The following TRPM4 variants were observed in gnomAD, a reference collection of about 807,000 sequenced individuals.
TRPM4 encodes transient receptor potential cation channel subfamily M member 4.
A neutral mutation model predicts 135.6 loss-of-function variants in TRPM4; 124 were observed. The observed-to-expected ratio is 0.91, with a 90% CI of 0.79 to 1.06. TRPM4 has a LOEUF of 1.06. TRPM4 is among the 50% of genes least tolerant of loss of function. The pLI is 0.00. For synonymous variants in TRPM4, 745 were observed against 705.6 expected, an observed-to-expected ratio of 1.06 and a Z score of -0.88; for missense variants, 1,658 against 1,671.4, an observed-to-expected ratio of 0.99 and a Z score of 0.14.
intron 9 of TRPM4, among the ~76,000 whole-genome samples, chr19:49,178,772 T>G (rs551864009): frequency 0.024 from 3,530 of 150,106 alleles, 157 homozygotes; most frequent in African/African-American, 0.082. Flanking sequence ...TTTTTTATTT[T>G]TTTTGAGATG....
At chr19:49,194,127 A>C (rs1448064784) in intron 16 of TRPM4, among the ~76,000 whole-genome samples, 575 of 42,040 alleles carry the variant, frequency 0.014, no homozygotes, top group Middle Eastern at 0.043. Flanking sequence ...TCTCCTCTTC[A>C]TCCTCCTTCT....
At chr19:49,180,984 A>G (rs773243695) in intron 9 of TRPM4, among the ~76,000 whole-genome samples, 1 of 152,048 alleles carries the variant, frequency 6.6e-6, no homozygotes, top group Non-Finnish European at 1.5e-5. Flanking sequence ...GAGGGTAGTT[A>G]TGTGTTGGGG....
In TRPM4 at chr19:49,200,758, G is replaced by A. The variant is rs770301185; in HGVS notation, c.2926G>A (p.Gly976Arg). The change falls in exon 19 of 25, where the codon GGG (glycine) becomes AGG (arginine). Residue 976 changes from glycine (G) to arginine (R), a missense_variant. Transcript: ENST00000252826. ...CTACCGTCCCTACCTGCAGATCTTC[G>A]GGCAGATTCCCCAGGAGGACATGGA... ...VFYRPYLQIF[G>R]QIPQEDMDVA... The A allele has an allele frequency of 1.2e-6, 2 of 1,614,002 alleles. No homozygotes were observed. The highest frequency in any genetic ancestry group is 2.2e-5 in the South Asian group (2 of 91,074).
intron 17 of TRPM4, among the ~76,000 whole-genome samples, chr19:49,198,035 T>TTGACAGTGA (rs1968764267): frequency 6.6e-6 from 1 of 151,994 alleles, no homozygotes; most frequent in Admixed American, 6.6e-5. Context: ...TCCTGAATGG[T>TTGACAGTGA]TGACAGTGAT....
intron 12 of TRPM4, among the ~76,000 whole-genome samples, chr19:49,183,554 G>A (rs1000561835): frequency 6.6e-6 from 1 of 151,554 alleles, no homozygotes; most frequent in African/African-American, 2.4e-5. Flanking sequence ...CTGCCCCCAC[G>A]CCTGGCTAAT....
Position 49,211,201 on chromosome 19 carries a change from A to C in TRPM4, c.3572A>C (p.Glu1191Ala). 1 of 1,602,170 alleles carries C rather than the reference A, an allele frequency of 6.2e-7. No individual in the cohort carries two copies. Among genetic ancestry groups the C allele is most frequent in the Non-Finnish European group, 8.5e-7 (1 of 1,175,144 alleles). The change falls in exon 24 of 25, where the codon GAG (glutamate) becomes GCG (alanine). Residue 1191 changes from glutamate (E) to alanine (A), a missense_variant. Glu to Ala is a moderately radical substitution (Grantham distance 107). This residue lies in a region of TRPM4 where 1,412 missense variants were observed against 1,408.7 expected (regional missense o/e 1.00). Coordinates refer to ENST00000252826, the MANE Select transcript of TRPM4 (RefSeq NM_017636.4). The surrounding 1 kb of genome is among the most constrained non-coding windows in gnomAD (Gnocchi z 4.8). ...AGCCGCGTCCTGGGGTGGGTGGCCG[A>C]GGCCCTGAGCCGCTCTGCCTTGCTG... is the stretch of plus-strand genomic sequence containing the variant. ...QCSRVLGWVAEALSRSALLPP... is the reference protein window; with the variant it reads ...QCSRVLGWVAAALSRSALLPP...
At chr19:49,193,457 G>A (rs1047739412) in intron 16 of TRPM4, among the ~76,000 whole-genome samples, 2 of 152,168 alleles carry the variant, frequency 1.3e-5, no homozygotes, top group African/African-American at 2.4e-5. Context: ...GTGAAATAAT[G>A]GAGTCATTCA....
At chr19:49,161,787 G>A (rs972163416) in intron 2 of TRPM4, among the ~76,000 whole-genome samples, 10 of 152,134 alleles carry the variant, frequency 6.6e-5, no homozygotes, top group Middle Eastern at 3.4e-3. Context: ...CCACCATCAC[G>A]CCTGGCTAAT....
rs143962563 is a variant in TRPM4, at chr19:49,178,335, AAC to A, written c.1151-3012_1151-3011del. On this transcript the variant is annotated intron_variant, in intron 9 of 24. Coordinates refer to ENST00000252826, the MANE Select transcript of TRPM4 (RefSeq NM_017636.4). The stretch of plus-strand genomic sequence containing the variant: ...CGAAGACCCTGTCTCAAAAAACAAA[AAC>A]AGACTCTCTGGGAGTGGGTGGGGGC... 6.1e-3 allele frequency among the ~76,000 whole-genome samples: 933 copies of A among 152,164 alleles called. 7 individuals are homozygous for A. The highest frequency in any genetic ancestry group is 0.021 in the African/African-American group (881 of 41,520).
rs772062913 is a variant in TRPM4, at chr19:49,175,067, C to CTTTTTTTTTTTTTTT, written c.1150+2970_1150+2984dup. On this transcript the variant is annotated intron_variant, in intron 9 of 24. Transcript: ENST00000252826. ...CACAGGCATGTGCCATCATGCCTGG[C>CTTTTTTTTTTTTTTT]TTTTTTTTTTTTTTTTTTTTTTTTT... Among the ~76,000 whole-genome samples the CTTTTTTTTTTTTTTT allele has an allele frequency of 5.4e-4, 42 of 77,584 alleles. 2 individuals carry two copies. Among genetic ancestry groups the CTTTTTTTTTTTTTTT allele is most frequent in the African/African-American group, 2.5e-3 (34 of 13,532 alleles). 50.9% of individuals were successfully genotyped at this position (77,584 alleles called of 152,430 possible). A position where few individuals can be genotyped will look rare whatever the true frequency, so the allele number is the denominator to read the frequency against.
intron 4 of TRPM4, 57 bp downstream of exon 4, chr19:49,168,154 C>G (rs903372186): frequency 6.3e-7 from 1 of 1,594,106 alleles, no homozygotes. Context: ...GCCATCTCCC[C>G]CACGACTGTG....
intron 20 of TRPM4, among the ~76,000 whole-genome samples, chr19:49,202,881 C>CTTT (rs752188238): frequency 0.011 from 1,151 of 109,566 alleles, 65 homozygotes; most frequent in African/African-American, 0.038. Context: ...ATTTTTACTT[C>CTTT]TTTTTTTTTT....
At chr19:49,192,786 TTACC>T (rs1341840257) in intron 16 of TRPM4, among the ~76,000 whole-genome samples, 1 of 151,552 alleles carries the variant, frequency 6.6e-6, no homozygotes, top group Non-Finnish European at 1.5e-5. Context: ...TGACACAAAT[TTACC>T]TACCTAACAA....
At chr19:49,193,872 GTCCTCCTCCTTGTCATCCTCCTTC>G (rs1968507813) in intron 16 of TRPM4, among the ~76,000 whole-genome samples, 3 of 146,316 alleles carry the variant, frequency 2.1e-5, no homozygotes, top group Non-Finnish European at 4.5e-5. Flanking sequence ...TCTCCTCCTT[GTCCTCCTCCTTGTCATCCTCCTTC>G]TCCTCCTCCT....
chr19:49,182,254 G>GTCCATCCATCCA lies in TRPM4; in HGVS notation c.1264-315_1264-314insCCATCCATCCAT, dbSNP rs1389264034. Among the ~76,000 whole-genome samples the GTCCATCCATCCA allele has an allele frequency of 0.012, 702 of 58,358 alleles. 24 individuals are homozygous for GTCCATCCATCCA. Among genetic ancestry groups the GTCCATCCATCCA allele is most frequent in the African/African-American group, 0.039 (662 of 16,804 alleles). The allele number at this position is 58,358 out of a possible 152,430, so 38.3% of individuals were successfully genotyped here. Reference sequence around the variant, plus strand: ...CATCCATCTATCCATCCATCCATCTGTCCATCCATTCATCTGTCCATCCAT... The same window carrying GTCCATCCATCCA: ...CATCCATCTATCCATCCATCCATCTGTCCATCCATCCATCCATCCATTCATCTGTCCATCCAT... On this transcript the variant is annotated intron_variant, in intron 10 of 24. Transcript: ENST00000252826.
intron 9 of TRPM4, among the ~76,000 whole-genome samples, chr19:49,175,371 A>G (rs537282051): frequency 1.3e-5 from 2 of 151,376 alleles, no homozygotes; most frequent in Non-Finnish European, 1.5e-5. Flanking sequence ...CACTGTGCCC[A>G]GCCTTTTTTG....
chr19:49,168,713 C>G lies in TRPM4; in HGVS notation c.773C>G (p.Ser258Ter). 2.5e-6 allele frequency: 4 copies of G among 1,601,398 alleles called. No homozygotes were observed. Among genetic ancestry groups the G allele is most frequent in the Non-Finnish European group, 3.4e-6 (4 of 1,174,760 alleles). ...CGCTTGCGCCTGGAGTCCTACATCT[C>G]ACAGCAGAAGACGGGCGTGGGAGGT... is the stretch of plus-strand genomic sequence containing the variant. ...RFRLRLESYISQQKTGVGGTG... is the reference protein window; with the variant it reads ...RFRLRLESYI Residue 258 changes from serine (S) to a stop codon, truncating the protein, a stop_gained, in exon 6 of 25, where the codon TCA becomes TGA. Coordinates refer to ENST00000252826, the MANE Select transcript of TRPM4 (RefSeq NM_017636.4). LOFTEE classifies it high-confidence loss of function.
chr19:49,210,219 G>C lies in TRPM4; in HGVS notation c.3142G>C (p.Gly1048Arg). 6.2e-7 allele frequency: 1 copy of C among 1,614,156 alleles called. No homozygotes were observed. Residue 1048 changes from glycine to arginine, a missense_variant, in exon 21 of 25, where the codon GGC becomes CGC. Around this residue, in one of 3 missense-constraint regions of TRPM4, gnomAD observed 1,412 missense variants for 1,408.7 expected, o/e 1.00. Transcript: ENST00000252826. This position sits in a 1 kb window ranked among gnomAD's most constrained non-coding sequence, Gnocchi z 4.1. ...CTCTGGCCTTTGCAGTTACACATTCGGCAAAGTACAGGGCAACAGCGATCT... is the reference window on the plus strand; with the variant it reads ...CTCTGGCCTTTGCAGTTACACATTCCGCAAAGTACAGGGCAACAGCGATCT... The part of the protein sequence containing the change: ...LLIAMFSYTF[G>R]KVQGNSDLYW...
chr19:49,179,194 T>C (rs1233578311), intron 9 of TRPM4, among the ~76,000 whole-genome samples: 1 of 150,788 alleles, frequency 6.6e-6, no homozygotes, highest in Non-Finnish European at 1.5e-5. Flanking sequence ...TAGCTGGGAT[T>C]ACAGGCATGA....
Sources: gnomAD v4.1 joint callset for allele counts (sites outside exome capture counted in the v4.1 genomes callset) on GRCh38, gnomAD v4.1.1 for gene constraint, gnomAD v4.1.1 regional missense constraint, Gnocchi (gnomAD v3.1) non-coding constraint, MANE v1.5 for transcripts, NCBI Gene and HGNC (gene_info 2026-07-23, HGNC 2026-07-21) for gene names.